Variants in ASB3 observed in about 807,000 individuals in gnomAD.
ASB3 encodes ankyrin repeat and SOCS box protein 3.
ASB3 carries 41 observed loss-of-function variants against 54.5 expected under a neutral mutation model. The observed-to-expected ratio is 0.75, with a 90% CI of 0.59 to 0.98. ASB3 has a LOEUF of 0.98. Among genes scored for constraint, ASB3 ranks in the 50% least tolerant of loss-of-function variants. The probability of loss-of-function intolerance (pLI) is 0.00; values close to 1 mark genes in which losing one functional copy is unlikely to be tolerated. For missense variants in ASB3, 733 were observed against 620.0 expected (o/e 1.18, Z -1.94); for synonymous variants, 266 against 221.2 (o/e 1.20, Z -1.80).
chr2:53,712,424 T>C (rs981186300), intron 7 of ASB3, among the ~76,000 whole-genome samples: 7 of 152,174 alleles, frequency 4.6e-5, no homozygotes, highest in African/African-American at 1.7e-4. Context: ...ACTGATTTTG[T>C]AGAAATCAAA....
intron 3 of ASB3, among the ~76,000 whole-genome samples, chr2:53,743,805 G>C (rs1672068403): frequency 6.6e-6 from 1 of 152,172 alleles, no homozygotes; most frequent in Non-Finnish European, 1.5e-5. Flanking sequence ...TTCTTCGGGA[G>C]GCCGAGGCAG....
At chr2:53,782,890 G>A (rs185468218) in intron 1 of ASB3, among the ~76,000 whole-genome samples, 72 of 152,144 alleles carry the variant, frequency 4.7e-4, no homozygotes, top group African/African-American at 1.6e-3. Flanking sequence ...AGGTTTAAGT[G>A]ATTCTCCTGC....
At chr2:53,776,224 T>C (rs1224966021) in intron 1 of ASB3, among the ~76,000 whole-genome samples, 1 of 152,242 alleles carries the variant, frequency 6.6e-6, no homozygotes, top group Non-Finnish European at 1.5e-5. Flanking sequence ...CAGCTACATA[T>C]CTACTTTAAA....
intron 7 of ASB3, 63 bp from the exon 8 acceptor site, chr2:53,700,591 A>G (rs1669433283): frequency 2.0e-6 from 3 of 1,536,964 alleles, no homozygotes. Flanking sequence ...GATACTTCTT[A>G]CAAACAGTTA....
At chr2:53,752,316 G>T (rs1672559625) in intron 2 of ASB3, among the ~76,000 whole-genome samples, 1 of 152,112 alleles carries the variant, frequency 6.6e-6, no homozygotes, top group African/African-American at 2.4e-5. Context: ...GGACAAATTA[G>T]GCATGTGGAC....
At chr2:53,772,898 C>A (rs1674043382) in intron 1 of ASB3, among the ~76,000 whole-genome samples, 1 of 151,558 alleles carries the variant, frequency 6.6e-6, no homozygotes, top group Non-Finnish European at 1.5e-5. Context: ...CCCAGTAGAA[C>A]CTGTGATTTT....
chr2:53,670,660 C>A lies in ASB3; in HGVS notation c.1400G>T (p.Arg467Leu). ...TTTTAGACTGGACCGAATTTCCAAA[C>A]GACAAAGATGGGTCAGGGATGGAAC... ...ATVPSLTHLCRLEIRSSLKSE... is the reference protein window; with the variant it reads ...ATVPSLTHLCLLEIRSSLKSE... Residue 467 changes from arginine to leucine, a missense_variant, in exon 10 of 10, where the codon CGT (arginine) becomes CTT (leucine). By Grantham distance (102) the Arg-to-Leu change is moderately radical. Transcript: ENST00000263634. 1.9e-6 allele frequency: 3 copies of A among 1,613,330 alleles called. No homozygotes were observed. Among genetic ancestry groups the A allele is most frequent in the Non-Finnish European group, 2.5e-6 (3 of 1,179,738 alleles).
chr2:53,749,533 C>G (rs894715288), intron 3 of ASB3, among the ~76,000 whole-genome samples: 1 of 152,084 alleles, frequency 6.6e-6, no homozygotes, highest in Non-Finnish European at 1.5e-5. Flanking sequence ...AACCACTAAA[C>G]AGTGAAAACA....
chr2:53,675,673 CAGTTTAT>C (rs1367807323), intron 9 of ASB3, among the ~76,000 whole-genome samples: 1 of 152,126 alleles, frequency 6.6e-6, no homozygotes, highest in Non-Finnish European at 1.5e-5. Flanking sequence ...TGATATCAAT[CAGTTTAT>C]AAGCTAATCA....
chr2:53,746,909 T>C (rs1672259595), intron 3 of ASB3, among the ~76,000 whole-genome samples: 1 of 152,088 alleles, frequency 6.6e-6, no homozygotes, highest in Non-Finnish European at 1.5e-5. Context: ...AATTTACCAT[T>C]TACAAAATGG....
chr2:53,778,009 TGTG>T (rs1324767532), intron 1 of ASB3, among the ~76,000 whole-genome samples: 1 of 151,786 alleles, frequency 6.6e-6, no homozygotes, highest in Admixed American at 6.6e-5. Flanking sequence ...ATTAGCCAGG[TGTG>T]GTGGCGGGCA....
chr2:53,724,972 T>G (rs202151380), intron 5 of ASB3, among the ~76,000 whole-genome samples: 1 of 152,106 alleles, frequency 6.6e-6, no homozygotes, highest in Non-Finnish European at 1.5e-5. Context: ...AAAATATACA[T>G]GCACTTGCAT....
At chr2:53,680,012 C>A (rs1158431187) in intron 9 of ASB3, among the ~76,000 whole-genome samples, 1 of 152,138 alleles carries the variant, frequency 6.6e-6, no homozygotes, top group Non-Finnish European at 1.5e-5. Flanking sequence ...TCTGTTCCTG[C>A]ATTAGTTTGC....
intron 1 of ASB3, chr2:53,768,322 C>G (rs1673644989): frequency 1.4e-5 from 4 of 285,232 alleles, no homozygotes; most frequent in South Asian, 1.2e-4. Flanking sequence ...CTCCATCTCT[C>G]TGCAACCTCT....
intron 1 of ASB3, among the ~76,000 whole-genome samples, chr2:53,770,448 A>T: frequency 6.7e-6 from 1 of 149,262 alleles, no homozygotes; most frequent in East Asian, 2.0e-4. Context: ...GAATGATGTT[A>T]AGGTATCAGT....
intron 1 of ASB3, among the ~76,000 whole-genome samples, chr2:53,772,237 C>G (rs182850782): frequency 3.6e-3 from 544 of 152,150 alleles, no homozygotes; most frequent in Non-Finnish European, 3.9e-3. Context: ...TGCAGTGGCG[C>G]GATCTCGGCT....
intron 2 of ASB3, among the ~76,000 whole-genome samples, chr2:53,756,697 T>C (rs1394780810): frequency 2.0e-5 from 3 of 152,090 alleles, no homozygotes; most frequent in Non-Finnish European, 4.4e-5. Context: ...CTCTATTAAA[T>C]CTTGCAACTG....
chr2:53,706,749 C>T (rs920233229), intron 7 of ASB3, among the ~76,000 whole-genome samples: 18 of 152,258 alleles, frequency 1.2e-4, no homozygotes, highest in African/African-American at 3.6e-4. Flanking sequence ...CCAGCCAAAA[C>T]GCAGTTTCTT....
intron 7 of ASB3, among the ~76,000 whole-genome samples, chr2:53,711,499 G>A (rs186978613): frequency 6.0e-4 from 92 of 152,318 alleles, no homozygotes; most frequent in Admixed American, 4.6e-3. Context: ...AGAAGAAAAA[G>A]AAGGCCAGGC....
Sources: allele counts gnomAD v4.1 joint callset (sites outside exome capture counted in the v4.1 genomes callset), GRCh38; gene constraint gnomAD v4.1.1; transcripts MANE v1.5; gene names NCBI Gene and HGNC (gene_info 2026-07-23, HGNC 2026-07-21).